SUSD4: variants seen among roughly 807,000 people sequenced by gnomAD.
SUSD4 encodes sushi domain containing 4.
A neutral mutation model predicts 50.5 loss-of-function variants in SUSD4; 41 were observed. That is an observed-to-expected ratio of 0.81 (90% CI 0.63 to 1.05). The LOEUF (loss-of-function observed/expected upper bound fraction) is 1.05. SUSD4 is among the 50% of genes least tolerant of loss of function. SUSD4 has a pLI of 0.00. For synonymous variants in SUSD4, 257 were observed against 257.3 expected (o/e 1.00, Z 0.01); for missense variants, 580 against 634.7 (o/e 0.91, Z 0.93).
chr1:223,295,896 G>C (rs965374742), intron 2 of SUSD4, among the ~76,000 whole-genome samples: 2 of 151,842 alleles, frequency 1.3e-5, no homozygotes, highest in Non-Finnish European at 2.9e-5. Context: ...GATCAGATTC[G>C]CATTTTAGAA....
intron 2 of SUSD4, among the ~76,000 whole-genome samples, chr1:223,300,643 A>G: frequency 6.6e-6 from 1 of 151,838 alleles, no homozygotes; most frequent in East Asian, 1.9e-4. Context: ...GAGGCTTTGG[A>G]GGAAGAAAAA....
chr1:223,305,658 C>T (rs370389174), intron 2 of SUSD4, among the ~76,000 whole-genome samples: 7 of 152,198 alleles, frequency 4.6e-5, no homozygotes, highest in African/African-American at 1.7e-4. Flanking sequence ...TTGGGAAATA[C>T]AACAAAAGAA....
chr1:223,243,149 T>C (rs1660698848), intron 5 of SUSD4, among the ~76,000 whole-genome samples: 1 of 152,044 alleles, frequency 6.6e-6, no homozygotes, highest in Admixed American at 6.5e-5. Context: ...CTGGAGCACA[T>C]CAGCCAGCTC....
chr1:223,259,689 T>C (rs1661960621), intron 5 of SUSD4, among the ~76,000 whole-genome samples: 1 of 152,190 alleles, frequency 6.6e-6, no homozygotes, highest in Admixed American at 6.5e-5. Context: ...CCAGCAGCTC[T>C]CACAGCCCCA....
intron 2 of SUSD4, among the ~76,000 whole-genome samples, chr1:223,304,125 G>GC (rs1327735528): frequency 3.9e-5 from 6 of 152,252 alleles, no homozygotes; most frequent in African/African-American, 1.4e-4. Flanking sequence ...ATGAACAGGC[G>GC]CCCCTCATGC....
At chr1:223,356,660 T>C (rs1448556981) in intron 2 of SUSD4, among the ~76,000 whole-genome samples, 1 of 152,226 alleles carries the variant, frequency 6.6e-6, no homozygotes, top group Non-Finnish European at 1.5e-5. Context: ...GTTCAAAGTC[T>C]GGACCAAAAT....
intron 2 of SUSD4, among the ~76,000 whole-genome samples, chr1:223,305,414 G>A (rs531533253): frequency 6.6e-6 from 1 of 152,262 alleles, no homozygotes; most frequent in East Asian, 1.9e-4. Context: ...TGGGGAAAGA[G>A]CTCAGAGCAA....
At chr1:223,273,697 T>C (rs1663072462) in intron 3 of SUSD4, among the ~76,000 whole-genome samples, 1 of 152,218 alleles carries the variant, frequency 6.6e-6, no homozygotes, top group African/African-American at 2.4e-5. Flanking sequence ...CCCACGTGAC[T>C]AAGCCCTGAT....
At chr1:223,268,008 A>ATT (rs199600125) in intron 4 of SUSD4, among the ~76,000 whole-genome samples, 1 of 51,056 alleles carries the variant, frequency 2.0e-5, no homozygotes, top group Non-Finnish European at 3.0e-5. Context: ...CTCTTCATGC[A>ATT]TTTTTTATAT....
chr1:223,296,066 G>C (rs1425042571), intron 2 of SUSD4, among the ~76,000 whole-genome samples: 1 of 151,804 alleles, frequency 6.6e-6, no homozygotes, highest in African/African-American at 2.4e-5. Flanking sequence ...TCTGTGTGGG[G>C]TGGGGTGGGG....
intron 2 of SUSD4, among the ~76,000 whole-genome samples, chr1:223,357,685 T>G (rs1269063069): frequency 6.6e-6 from 1 of 152,234 alleles, no homozygotes; most frequent in East Asian, 1.9e-4. Context: ...TGGAAACTTT[T>G]GTCAATCACG....
In SUSD4 at chr1:223,322,468, A is replaced by G. The variant is rs577959397; in HGVS notation, c.149-29817T>C. On this transcript the variant is annotated intron_variant, in intron 2 of 8. Coordinates refer to ENST00000366878, the MANE Select transcript of SUSD4 (RefSeq NM_017982.4). ...ACCTAACACATCGATTTTTCAATTA[A>G]TGAATTTAGGACATTGTGCCAGGTG... Among the ~76,000 whole-genome samples the G allele has an allele frequency of 2.6e-5, 4 of 152,190 alleles. No individual in the cohort carries two copies. In the South Asian group the frequency reaches 8.3e-4, roughly 32 times the overall value.
chr1:223,268,698 C>T (rs1459927463), intron 3 of SUSD4, 23 bp from the exon 4 acceptor site: 1 of 1,598,174 alleles, frequency 6.3e-7, no homozygotes, highest in South Asian at 1.1e-5. Context: ...AAAAGGTACA[C>T]ATTATTTTTG....
chr1:223,313,332 C>T (rs1665991005), intron 2 of SUSD4, among the ~76,000 whole-genome samples: 1 of 152,030 alleles, frequency 6.6e-6, no homozygotes, highest in Non-Finnish European at 1.5e-5. Context: ...CTCTGGACAC[C>T]AAAGCTTGGG....
At chr1:223,291,040 G>T (rs1477019884) in intron 3 of SUSD4, among the ~76,000 whole-genome samples, 2 of 152,000 alleles carry the variant, frequency 1.3e-5, no homozygotes, top group African/African-American at 4.8e-5. Flanking sequence ...AGGAAAAAAT[G>T]AACTTATTTT....
chr1:223,230,121 T>C (rs1038531190), intron 5 of SUSD4, among the ~76,000 whole-genome samples: 31 of 152,318 alleles, frequency 2.0e-4, no homozygotes, highest in African/African-American at 7.5e-4. Flanking sequence ...CCCATCATGT[T>C]AGGGGAAGAA....
In SUSD4 at chr1:223,227,430, T is replaced by C. The variant is rs1163849337; in HGVS notation, c.1061+164A>G. On this transcript the variant is annotated intron_variant, in intron 7 of 8. Coordinates refer to ENST00000366878, the MANE Select transcript of SUSD4 (RefSeq NM_017982.4). The surrounding 1 kb of genome is among the most constrained non-coding windows in gnomAD (Gnocchi z 4.5). ...GAAAGAAAGAAAGAGGAAAATGAGG[T>C]CTGTCTCCAGCTTTGTGCTCAAAAC... 6.6e-6 allele frequency among the ~76,000 whole-genome samples: 1 copy of C among 152,098 alleles called. No homozygotes were observed. The highest frequency in any genetic ancestry group is 1.5e-5 in the Non-Finnish European group (1 of 68,002).
At position 223,246,846 on chromosome 1, in the gene SUSD4, A is replaced by G. The variant is rs1033142575; in HGVS notation, c.725-17458T>C. Among the ~76,000 whole-genome samples, 7 of 152,350 alleles carry G rather than the reference A, an allele frequency of 4.6e-5. No homozygotes were observed. In the East Asian group the frequency reaches 1.3e-3, roughly 29 times the overall value. On this transcript the variant is annotated intron_variant, in intron 5 of 8. Transcript: ENST00000366878. ...ATTTATATGTTTCATTACATGCAAA[A>G]TAATAAAATGAGGCTTAAAACCAGT...
intron 5 of SUSD4, among the ~76,000 whole-genome samples, chr1:223,239,021 C>G (rs1358875282): frequency 6.6e-6 from 1 of 151,978 alleles, no homozygotes; most frequent in African/African-American, 2.4e-5. Flanking sequence ...CTGTTAAATG[C>G]ATACACATTA....
Sources: gnomAD v4.1 joint callset for allele counts (sites outside exome capture counted in the v4.1 genomes callset) on GRCh38, gnomAD v4.1.1 for gene constraint, Gnocchi (gnomAD v3.1) non-coding constraint, MANE v1.5 for transcripts, NCBI Gene and HGNC (gene_info 2026-07-23, HGNC 2026-07-21) for gene names.